Variants in TENM1 observed in about 807,000 individuals in gnomAD.
TENM1 encodes teneurin-1.
In TENM1, 35 loss-of-function variants were observed where a neutral mutation model predicts 174.8. That is an observed-to-expected ratio of 0.20 (90% confidence interval 0.15 to 0.27). TENM1 has a LOEUF of 0.27. TENM1 is among the 10% of genes least tolerant of loss of function. The pLI is 1.00. For synonymous variants in TENM1, 781 were observed against 798.7 expected, an observed-to-expected ratio of 0.98 and a Z score of 0.37; for missense variants, 1,633 against 2,130.1, an observed-to-expected ratio of 0.77 and a Z score of 4.59.
exon 17 of TENM1, chrX:124,523,589 G>C: frequency 1.7e-6 from 2 of 1,211,538 alleles, no homozygotes; most frequent in Non-Finnish European, 2.2e-6. Context: ...CGAAGATTAA[G>C]ATGACAGAGA....
At chrX:124,646,973 T>C (rs902907316) in intron 8 of TENM1, among the ~76,000 whole-genome samples, 163 bp from the exon 12 acceptor site, 7 of 111,427 alleles carry the variant, frequency 6.3e-5, no homozygotes, top group African/African-American at 2.3e-4. Context: ...ATCTGTAAGA[T>C]GTCACATGCA....
chrX:125,046,748 T>A, the TENM1 span, among the ~76,000 whole-genome samples: 1 of 111,203 alleles, frequency 9.0e-6, no homozygotes, highest in Non-Finnish European at 1.9e-5. Context: ...CCAAATGAAC[T>A]AACTTCCCAA....
upstream of TENM1, among the ~76,000 whole-genome samples, chrX:124,968,235 C>T (rs1395436348): frequency 1.8e-5 from 2 of 111,826 alleles, no homozygotes; most frequent in Non-Finnish European, 1.9e-5. Context: ...TTCATTTCAA[C>T]GAATTCATTT....
At chrX:124,583,306 C>G (rs1019847411) in intron 11 of TENM1, among the ~76,000 whole-genome samples, 2 of 111,454 alleles carry the variant, frequency 1.8e-5, no homozygotes, top group African/African-American at 6.5e-5. Context: ...AGACTGACAT[C>G]TCACACGGCC....
chrX:124,724,668 C>T (rs1219586812), intron 4 of TENM1, among the ~76,000 whole-genome samples: 1 of 111,585 alleles, frequency 9.0e-6, no homozygotes, highest in Non-Finnish European at 1.9e-5. Flanking sequence ...TGGTGGCATG[C>T]ACCTGTGGTC....
chrX:125,010,611 G>A, the TENM1 span, among the ~76,000 whole-genome samples: 17,878 of 107,965 alleles, frequency 0.17, 1,248 homozygotes, highest in African/African-American at 0.23. Context: ...TCAGGAGATC[G>A]AGACCATCCT....
the TENM1 span, among the ~76,000 whole-genome samples, chrX:125,098,148 C>CA: frequency 9.0e-6 from 1 of 111,000 alleles, no homozygotes; most frequent in Non-Finnish European, 1.9e-5. Context: ...CCTGTACTCC[C>CA]AGCTACTCAG....
chrX:125,106,866 T>C, the TENM1 span, among the ~76,000 whole-genome samples: 3 of 112,286 alleles, frequency 2.7e-5, no homozygotes, highest in Admixed American at 2.8e-4. Flanking sequence ...TAAGCTGTGT[T>C]ATAAAATGAG....
At chrX:124,896,950 C>T (rs772789425) in intron 1 of TENM1, among the ~76,000 whole-genome samples, 1 of 111,582 alleles carries the variant, frequency 9.0e-6, no homozygotes, top group Non-Finnish European at 1.9e-5. Context: ...CCCCCTAGAT[C>T]TTAGAGTTAT....
At chrX:125,099,920 ACAGT>A in the TENM1 span, among the ~76,000 whole-genome samples, 1 of 111,716 alleles carries the variant, frequency 9.0e-6, no homozygotes, top group Non-Finnish European at 1.9e-5. Context: ...TCAGCTAATG[ACAGT>A]TCAGGGATGC....
intron 3 of TENM1, among the ~76,000 whole-genome samples, chrX:124,768,568 C>G (rs916996024): frequency 8.9e-6 from 1 of 111,970 alleles, no homozygotes; most frequent in Non-Finnish European, 1.9e-5. Flanking sequence ...TGATATTTTC[C>G]TTTGTGTTAC....
intron 18 of TENM1, among the ~76,000 whole-genome samples, chrX:124,517,458 T>C (rs7473594): frequency 2.7e-5 from 3 of 109,301 alleles, no homozygotes; most frequent in Admixed American, 9.8e-5. Context: ...GTGGCACACA[T>C]ACACCATGGA....
At chrX:124,589,376 G>GTTGTTGTTA (rs2049670017) in intron 11 of TENM1, among the ~76,000 whole-genome samples, 1 of 108,606 alleles carries the variant, frequency 9.2e-6, no homozygotes, top group Admixed American at 9.9e-5. Context: ...TGTTGTTGTT[G>GTTGTTGTTA]TTGTTGTTGT....
intron 3 of TENM1, among the ~76,000 whole-genome samples, chrX:124,851,389 A>T (rs1197022277): frequency 8.9e-6 from 1 of 111,922 alleles, no homozygotes; most frequent in Non-Finnish European, 1.9e-5. Flanking sequence ...GAAAACTTTC[A>T]GTTTAGACTT....
At chrX:125,019,547 T>C in the TENM1 span, among the ~76,000 whole-genome samples, 1 of 111,120 alleles carries the variant, frequency 9.0e-6, no homozygotes, top group Non-Finnish European at 1.9e-5. Flanking sequence ...TAGACACAAA[T>C]ATGTTGTCTG....
At chrX:124,474,481 T>A (rs2061366710) in intron 22 of TENM1, among the ~76,000 whole-genome samples, 1 of 112,137 alleles carries the variant, frequency 8.9e-6, no homozygotes, top group South Asian at 3.7e-4. Context: ...TAGAATCTGA[T>A]GCATACATGA....
the TENM1 span, among the ~76,000 whole-genome samples, chrX:125,033,958 T>C: frequency 1.8e-5 from 2 of 112,040 alleles, no homozygotes; most frequent in Non-Finnish European, 3.8e-5. Flanking sequence ...ACTTTGGATG[T>C]CTATTTTGCC....
intron 3 of TENM1, among the ~76,000 whole-genome samples, chrX:124,757,043 A>T (rs1460652012): frequency 7.1e-5 from 8 of 112,138 alleles, no homozygotes; most frequent in African/African-American, 2.6e-4. Flanking sequence ...GGGACATTTA[A>T]GTCTGCAGAG....
the TENM1 span, among the ~76,000 whole-genome samples, chrX:125,152,981 G>T: frequency 9.2e-6 from 1 of 108,928 alleles, no homozygotes; most frequent in Non-Finnish European, 1.9e-5. Context: ...GTTACCGCTT[G>T]TTTCAAGGAG....
Sources: allele counts gnomAD v4.1 joint callset (sites outside exome capture counted in the v4.1 genomes callset), GRCh38; gene constraint gnomAD v4.1.1; transcripts MANE v1.5; gene names NCBI Gene and HGNC (gene_info 2026-07-23, HGNC 2026-07-21).